The following AUTS2 variants were observed in gnomAD, a reference collection of about 807,000 sequenced individuals.
AUTS2 encodes the protein autism susceptibility gene 2 protein.
Under a neutral mutation model 112.4 loss-of-function variants are expected in AUTS2, and 17 were observed. The observed-to-expected ratio is 0.15, with a 90% confidence interval of 0.10 to 0.23. The LOEUF (loss-of-function observed/expected upper bound fraction) is 0.23, where lower values mean the gene tolerates loss of function less well. AUTS2 is among the 10% of genes least tolerant of loss of function. AUTS2 has a pLI of 1.00. For missense variants in AUTS2, 1,510 were observed against 1,701.6 expected (o/e 0.89, Z 1.98); for synonymous variants, 751 against 702.7 (o/e 1.07, Z -1.09).
intron 2 of AUTS2, among the ~76,000 whole-genome samples, chr7:69,910,117 T>C (rs1456379677): frequency 1.3e-5 from 2 of 152,194 alleles, no homozygotes; most frequent in Non-Finnish European, 2.9e-5. Context: ...ATTCTGAATC[T>C]GTATTTCTCA....
At chr7:70,078,077 C>CAT (rs1440805843) in intron 2 of AUTS2, among the ~76,000 whole-genome samples, 6 of 152,130 alleles carry the variant, frequency 3.9e-5, no homozygotes, top group Non-Finnish European at 7.3e-5. Flanking sequence ...CAGGGTCAGG[C>CAT]ATATGGTAGG....
At chr7:70,556,832 T>A (rs1356317368) in intron 5 of AUTS2, among the ~76,000 whole-genome samples, 1 of 152,188 alleles carries the variant, frequency 6.6e-6, no homozygotes, top group Non-Finnish European at 1.5e-5. Context: ...TCAAGCTGCA[T>A]ACTAGTGCCT....
intron 2 of AUTS2, among the ~76,000 whole-genome samples, chr7:70,043,456 C>T (rs1801333867): frequency 6.6e-6 from 1 of 151,992 alleles, no homozygotes; most frequent in Non-Finnish European, 1.5e-5. Context: ...AATTTTGAAG[C>T]TCCTTCATTT....
rs1484872361 is a variant in AUTS2 at position 69,614,376 on chromosome 7, G to A, written c.309+14414G>A. Among the ~76,000 whole-genome samples, 26 of 64,142 alleles carry A rather than the reference G, an allele frequency of 4.1e-4. 7 individuals carry two copies. Among genetic ancestry groups the A allele is most frequent in the African/African-American group, 1.7e-3 (23 of 13,642 alleles). The allele number at this position is 64,142 out of a possible 152,430, so 42.1% of individuals were successfully genotyped here. ...TCTTTCTTTCTTTCTTTTTTTAAGA[G>A]ATGGGATCTCACTCTGTTTCCCAGG... On this transcript the variant is annotated intron_variant, in intron 1 of 18. Coordinates refer to ENST00000342771, the MANE Select transcript of AUTS2 (RefSeq NM_015570.4).
At chr7:70,671,600 T>C (rs1807646259) in intron 5 of AUTS2, among the ~76,000 whole-genome samples, 1 of 152,204 alleles carries the variant, frequency 6.6e-6, no homozygotes, top group African/African-American at 2.4e-5. Context: ...AAGGCTCTGC[T>C]TTGCAAGAGA....
chr7:69,639,922 T>C (rs989392662), intron 1 of AUTS2, among the ~76,000 whole-genome samples: 2 of 152,206 alleles, frequency 1.3e-5, no homozygotes, highest in Admixed American at 1.3e-4. Context: ...CTATATCTCT[T>C]ACAGTCTTAG....
rs138718775 is a variant in AUTS2, at chr7:69,809,493, T to C, written c.310-89793T>C. On this transcript the variant is annotated intron_variant, in intron 1 of 18. Transcript: ENST00000342771. ...GAACGGAGGAAACATGTTATGGAAA[T>C]CTATACTTCTCTTCAAATGTTTGTA... Among the ~76,000 whole-genome samples the C allele has an allele frequency of 2.1e-3, 323 of 152,308 alleles. 1 individual carries two copies. Among genetic ancestry groups the C allele is most frequent in the African/African-American group, 7.4e-3 (309 of 41,564 alleles).
chr7:69,808,349 C>G (rs1314911651), intron 1 of AUTS2, among the ~76,000 whole-genome samples: 3 of 152,206 alleles, frequency 2.0e-5, no homozygotes, highest in East Asian at 3.8e-4. Context: ...TTTTAAGATT[C>G]TCTCAAATGA....
chr7:69,879,120 CTGTGTGTGTGTG>C (rs5884770), intron 1 of AUTS2, among the ~76,000 whole-genome samples: 5 of 147,812 alleles, frequency 3.4e-5, no homozygotes, highest in Admixed American at 6.8e-5. Context: ...TTGAGACTTT[CTGTGTGTGTGTG>C]TGTGTGTGTG....
rs971464063 is a variant in AUTS2 at position 69,645,630 on chromosome 7, C to G, written c.309+45668C>G. ...TGACCTAGCAGGACATGTGGCATCT[C>G]TGTTTTGTGATGCTGTATCTGCTTT... On this transcript the variant is annotated intron_variant, in intron 1 of 18. Transcript: ENST00000342771. 2.6e-5 allele frequency among the ~76,000 whole-genome samples: 4 copies of G among 152,162 alleles called. No homozygotes were observed. In the South Asian group the frequency reaches 8.3e-4, roughly 32 times the overall value.
intron 4 of AUTS2, among the ~76,000 whole-genome samples, chr7:70,174,515 A>G (rs903620610): frequency 9.9e-5 from 15 of 152,214 alleles, no homozygotes; most frequent in Admixed American, 6.5e-4. Context: ...ACAGCCTTCT[A>G]TTAGAAGAAG....
chr7:70,747,295 G>A (rs749777453), intron 6 of AUTS2, among the ~76,000 whole-genome samples: 1 of 152,336 alleles, frequency 6.6e-6, no homozygotes, highest in Middle Eastern at 3.4e-3. Context: ...TTGTCTGAGA[G>A]CATTTCCCTT....
chr7:69,723,326 G>A (rs1799064622), intron 1 of AUTS2, among the ~76,000 whole-genome samples: 1 of 152,076 alleles, frequency 6.6e-6, no homozygotes, highest in Non-Finnish European at 1.5e-5. Flanking sequence ...TGAGAAGGAG[G>A]AAAGAAATGT....
At chr7:69,754,078 G>C (rs1269922473) in intron 1 of AUTS2, among the ~76,000 whole-genome samples, 1 of 152,164 alleles carries the variant, frequency 6.6e-6, no homozygotes, top group African/African-American at 2.4e-5. Context: ...CTACTGTGTG[G>C]TTTTGTGCAG....
At chr7:70,596,763 G>C (rs1424080603) in intron 5 of AUTS2, 1 of 152,222 alleles carries the variant, frequency 6.6e-6, no homozygotes, top group Non-Finnish European at 1.5e-5. Flanking sequence ...GCCTGGAGAC[G>C]CATGGAGCTA....
chr7:70,045,732 C>T (rs888971480), intron 2 of AUTS2, among the ~76,000 whole-genome samples: 55 of 151,594 alleles, frequency 3.6e-4, no homozygotes, highest in Non-Finnish European at 6.8e-4. Flanking sequence ...CCCCAGCCTC[C>T]CGAGTAGCTG....
intron 2 of AUTS2, among the ~76,000 whole-genome samples, chr7:70,012,871 TGTA>T (rs1419861955): frequency 6.6e-6 from 1 of 152,238 alleles, no homozygotes; most frequent in Admixed American, 6.5e-5. Flanking sequence ...TAAATGATAA[TGTA>T]GTAACAGGAT....
chr7:69,851,130 A>T (rs1353931068), intron 1 of AUTS2, among the ~76,000 whole-genome samples: 1 of 152,130 alleles, frequency 6.6e-6, no homozygotes, highest in Non-Finnish European at 1.5e-5. Flanking sequence ...TTGCTTTTGG[A>T]TCGTTGTCAA....
intron 4 of AUTS2, among the ~76,000 whole-genome samples, chr7:70,424,268 C>T (rs769431121): frequency 1.2e-4 from 18 of 152,170 alleles, no homozygotes; most frequent in African/African-American, 1.9e-4. Flanking sequence ...AGCAGAAATA[C>T]GGCTATATGG....
Sources: allele counts gnomAD v4.1 joint callset (sites outside exome capture counted in the v4.1 genomes callset), GRCh38; gene constraint gnomAD v4.1.1; transcripts MANE v1.5; gene names NCBI Gene and HGNC (gene_info 2026-07-23, HGNC 2026-07-21).